The following HUNK variants were observed in gnomAD, a reference collection of about 807,000 sequenced individuals.
HUNK encodes hormonally up-regulated Neu-associated kinase.
Under a neutral mutation model 61.0 loss-of-function variants are expected in HUNK, and 21 were observed. The ratio of observed to expected loss-of-function variants is 0.34; its 90% CI spans 0.24 to 0.50. The LOEUF is 0.50. Among genes scored for constraint, HUNK ranks in the 20% least tolerant of loss-of-function variants. HUNK has a pLI of 0.98. For missense variants in HUNK, 772 were observed against 945.7 expected (o/e 0.82, Z 2.41); for synonymous variants, 371 against 386.1 (o/e 0.96, Z 0.46).
At chr21:31,916,346 G>A (rs1197823257) in intron 1 of HUNK, among the ~76,000 whole-genome samples, 1 of 151,858 alleles carries the variant, frequency 6.6e-6, no homozygotes, top group Non-Finnish European at 1.5e-5. Context: ...CATTGCGCCC[G>A]GCCCTAAGTG....
At chr21:31,900,479 A>ACACACACACAC (rs57151018) in intron 1 of HUNK, among the ~76,000 whole-genome samples, 11 of 151,580 alleles carry the variant, frequency 7.3e-5, no homozygotes, top group East Asian at 1.9e-4. Flanking sequence ...ACACACACAC[A>ACACACACACAC]AACTCTACTG....
intron 9 of HUNK, among the ~76,000 whole-genome samples, chr21:31,995,369 T>C (rs2053197401): frequency 6.6e-6 from 1 of 152,206 alleles, no homozygotes; most frequent in African/African-American, 2.4e-5. Context: ...GAAGCAGTTA[T>C]GTTTCCAGTT....
intron 5 of HUNK, among the ~76,000 whole-genome samples, chr21:31,964,320 G>A (rs2052948624): frequency 6.6e-6 from 1 of 152,174 alleles, no homozygotes; most frequent in African/African-American, 2.4e-5. Context: ...CAAGTGGGGA[G>A]GGGTCTCTAT....
chr21:31,950,469 T>C (rs1403491352), intron 4 of HUNK, among the ~76,000 whole-genome samples: 2 of 151,924 alleles, frequency 1.3e-5, no homozygotes, highest in East Asian at 3.9e-4. Context: ...GGAGAACAGG[T>C]GGGGAAACGT....
At chr21:31,978,006 T>A (rs1282467348) in intron 7 of HUNK, among the ~76,000 whole-genome samples, 1 of 152,230 alleles carries the variant, frequency 6.6e-6, no homozygotes, top group Non-Finnish European at 1.5e-5. Flanking sequence ...CCTGAAGCTC[T>A]TAGACTGTGT....
chr21:31,882,752 G>A lies in HUNK; in HGVS notation c.261+8817G>A, dbSNP rs570241955. Among the ~76,000 whole-genome samples the A allele has an allele frequency of 9.2e-5, 14 of 152,194 alleles. No homozygotes were observed. In the South Asian group the frequency reaches 2.9e-3, roughly 32 times the overall value. Reference sequence around the variant, plus strand: ...TCACCCTAACAGACATTAGAATTTAGTTCTTCTATCTATGTATGTTTGTAC... The same window carrying A: ...TCACCCTAACAGACATTAGAATTTAATTCTTCTATCTATGTATGTTTGTAC... On this transcript the variant is annotated intron_variant, in intron 1 of 10. Transcript: ENST00000270112.
At chr21:31,983,260 G>T (rs755072942) in intron 7 of HUNK, among the ~76,000 whole-genome samples, 1 of 152,148 alleles carries the variant, frequency 6.6e-6, no homozygotes, top group Non-Finnish European at 1.5e-5. Flanking sequence ...CCTGCAGGGG[G>T]CAGTGATCTA....
At chr21:31,934,804 C>T (rs1273976355) in intron 2 of HUNK, among the ~76,000 whole-genome samples, 3 of 152,000 alleles carry the variant, frequency 2.0e-5, no homozygotes, top group East Asian at 1.9e-4. Flanking sequence ...ATAATGACTT[C>T]GAGCGGCATC....
At chr21:31,993,357 A>T (rs2053183819) in intron 9 of HUNK, among the ~76,000 whole-genome samples, 1 of 152,222 alleles carries the variant, frequency 6.6e-6, no homozygotes, top group African/African-American at 2.4e-5. Flanking sequence ...ATAAACCTAG[A>T]CAGCCACCGG....
chr21:31,976,459 CTTTT>C (rs34950116), intron 7 of HUNK, among the ~76,000 whole-genome samples: 1 of 63,628 alleles, frequency 1.6e-5, no homozygotes, highest in African/African-American at 6.3e-5. Context: ...TTTTTTGAGA[CTTTT>C]TTTTTTTTTT....
At chr21:31,891,255 C>G (rs1392763958) in intron 1 of HUNK, among the ~76,000 whole-genome samples, 1 of 152,210 alleles carries the variant, frequency 6.6e-6, no homozygotes, top group African/African-American at 2.4e-5. Context: ...CCCACCCCTG[C>G]AATCCCAGCT....
chr21:31,892,158 A>ATATATATAT (rs1363557506), intron 1 of HUNK, among the ~76,000 whole-genome samples: 1 of 112,050 alleles, frequency 8.9e-6, no homozygotes, highest in African/African-American at 3.4e-5. Flanking sequence ...TAAAAAAAAA[A>ATATATATAT]AAAAATATAT....
intron 2 of HUNK, among the ~76,000 whole-genome samples, chr21:31,928,082 G>T (rs1002322378): frequency 6.6e-6 from 1 of 152,192 alleles, no homozygotes; most frequent in Non-Finnish European, 1.5e-5. Flanking sequence ...AATGATAGTC[G>T]TAAGTGTGCC....
intron 1 of HUNK, among the ~76,000 whole-genome samples, chr21:31,918,851 G>C (rs780593698): frequency 1.3e-5 from 2 of 152,222 alleles, no homozygotes; most frequent in Non-Finnish European, 2.9e-5. Flanking sequence ...TAGGATGTGG[G>C]CCTATCTTTG....
intron 7 of HUNK, among the ~76,000 whole-genome samples, chr21:31,976,773 T>TC (rs1160792158): frequency 1.3e-5 from 2 of 149,886 alleles, no homozygotes; most frequent in Non-Finnish European, 3.0e-5. Context: ...GGCCCTCTTT[T>TC]TTTTTTTTTT....
chr21:31,948,215 G>A (rs2052823202), intron 4 of HUNK, among the ~76,000 whole-genome samples: 1 of 152,178 alleles, frequency 6.6e-6, no homozygotes, highest in Admixed American at 6.5e-5. Flanking sequence ...TGCTTGCCCT[G>A]TGGCCTCGCT....
chr21:31,895,933 G>A (rs2052421815), intron 1 of HUNK, among the ~76,000 whole-genome samples: 1 of 152,200 alleles, frequency 6.6e-6, no homozygotes, highest in Non-Finnish European at 1.5e-5. Flanking sequence ...GACTGCATTT[G>A]GAGATAGGAT....
Position 31,924,007 on chromosome 21 carries a change from T to C in HUNK, c.262-461T>C, listed in dbSNP as rs772382460. ...CCCCAACCATGCCTTGGAACTAAGA[T>C]TGGGGGAAGATTTAGCTGTTTCTGA... On this transcript the variant is annotated intron_variant, in intron 1 of 10. Transcript: ENST00000270112. The surrounding 1 kb of genome is among the most constrained non-coding windows in gnomAD (Gnocchi z 5.1). Among the ~76,000 whole-genome samples, 30 of 151,794 alleles carry C rather than the reference T, an allele frequency of 2.0e-4. No homozygotes were observed. The highest frequency in any genetic ancestry group is 3.2e-4 in the Non-Finnish European group (22 of 67,942).
At chr21:31,977,731 G>A (rs546248322) in intron 7 of HUNK, among the ~76,000 whole-genome samples, 3 of 152,284 alleles carry the variant, frequency 2.0e-5, no homozygotes, top group East Asian at 3.9e-4. Context: ...TCACTCTGTC[G>A]CCCAGGCTGG....
Sources: allele counts gnomAD v4.1 joint callset (sites outside exome capture counted in the v4.1 genomes callset), GRCh38; gene constraint gnomAD v4.1.1; non-coding constraint Gnocchi (gnomAD v3.1); transcripts MANE v1.5; gene names NCBI Gene and HGNC (gene_info 2026-07-23, HGNC 2026-07-21).